Variants in ERC2 observed in about 807,000 individuals in gnomAD.
The protein encoded by ERC2 is ELKS/RAB6-interacting/CAST family member 2.
A neutral mutation model predicts 114.8 loss-of-function variants in ERC2; 42 were observed. That is an observed-to-expected ratio of 0.37 (90% CI 0.29 to 0.47). The LOEUF (loss-of-function observed/expected upper bound fraction) is 0.47. Ranked by LOEUF, ERC2 falls within the 20% of genes least tolerant of loss-of-function variation. The pLI is 0.99. For synonymous variants in ERC2, 454 were observed against 425.5 expected (o/e 1.07, Z -0.82); for missense variants, 939 against 1,150.7 (o/e 0.82, Z 2.66).
At chr3:55,962,068 C>T (rs2068424393) in intron 12 of ERC2, among the ~76,000 whole-genome samples, 1 of 152,030 alleles carries the variant, frequency 6.6e-6, no homozygotes. Context: ...ACAATGACAA[C>T]CTAGAGTTAT....
chr3:56,361,664 C>T (rs561403135), intron 2 of ERC2, among the ~76,000 whole-genome samples: 1 of 152,332 alleles, frequency 6.6e-6, no homozygotes, highest in South Asian at 2.1e-4. Flanking sequence ...CCATGGAATA[C>T]ACCCAAGGAC....
chr3:55,552,694 A>G (rs1371773230), intron 17 of ERC2, among the ~76,000 whole-genome samples: 1 of 151,552 alleles, frequency 6.6e-6, no homozygotes, highest in Non-Finnish European at 1.5e-5. Flanking sequence ...GTTAGCATTT[A>G]TATCTTACAA....
chr3:55,930,242 A>AAAAT (rs550948207), intron 13 of ERC2, among the ~76,000 whole-genome samples: 5,070 of 151,936 alleles, frequency 0.033, 90 homozygotes, highest in African/African-American at 0.052. Flanking sequence ...CCGTCTCAAG[A>AAAAT]AAATAAATAA....
intron 2 of ERC2, among the ~76,000 whole-genome samples, chr3:56,348,903 GGAAA>G (rs879818081): frequency 0.24 from 9,377 of 38,896 alleles, 544 homozygotes; most frequent in South Asian, 0.36. Context: ...AAGGAAGGAA[GGAAA>G]GAAGGAAGGA....
At chr3:56,073,055 T>C (rs1181409168) in intron 7 of ERC2, among the ~76,000 whole-genome samples, 2 of 152,110 alleles carry the variant, frequency 1.3e-5, no homozygotes, top group African/African-American at 2.4e-5. Context: ...CCAAACACCA[T>C]ACACACTCAT....
chr3:55,966,778 A>G (rs1020670925), intron 12 of ERC2, among the ~76,000 whole-genome samples: 2 of 152,154 alleles, frequency 1.3e-5, no homozygotes, highest in African/African-American at 2.4e-5. Flanking sequence ...GAAAAAATTC[A>G]CTGGGCAGCT....
intron 3 of ERC2, among the ~76,000 whole-genome samples, chr3:56,214,613 C>T (rs1193679675): frequency 4.6e-5 from 7 of 151,796 alleles, no homozygotes; most frequent in Non-Finnish European, 1.0e-4. Context: ...GCAAGGCAGG[C>T]CAACATTCAC....
intron 17 of ERC2, among the ~76,000 whole-genome samples, chr3:55,564,345 T>C (rs1221391462): frequency 1.3e-5 from 2 of 152,256 alleles, no homozygotes; most frequent in South Asian, 4.1e-4. Flanking sequence ...TTAAAAGAGA[T>C]TGCAAAATAT....
At chr3:56,320,675 A>C (rs1423650890) in intron 2 of ERC2, among the ~76,000 whole-genome samples, 5 of 152,224 alleles carry the variant, frequency 3.3e-5, no homozygotes, top group African/African-American at 1.2e-4. Flanking sequence ...AAAAAAAATA[A>C]ATCTAGAAGG....
At chr3:56,094,041 T>G (rs2077928284) in intron 6 of ERC2, among the ~76,000 whole-genome samples, 1 of 152,206 alleles carries the variant, frequency 6.6e-6, no homozygotes, top group African/African-American at 2.4e-5. Context: ...AGATCTTCTT[T>G]AAATTGATTT....
chr3:56,339,180 A>G (rs1023525889), intron 2 of ERC2, among the ~76,000 whole-genome samples: 4 of 152,180 alleles, frequency 2.6e-5, no homozygotes, highest in African/African-American at 9.7e-5. Flanking sequence ...GGGAGCCGCA[A>G]TTGAATCAGG....
intron 1 of ERC2, among the ~76,000 whole-genome samples, chr3:56,460,200 A>G (rs2063248348): frequency 1.3e-5 from 2 of 152,222 alleles, no homozygotes. Flanking sequence ...AAAGTGAGAC[A>G]GCTTAGAGCT....
intron 2 of ERC2, among the ~76,000 whole-genome samples, chr3:56,429,046 A>G (rs1423191372): frequency 6.6e-6 from 1 of 152,236 alleles, no homozygotes; most frequent in East Asian, 1.9e-4. Flanking sequence ...TAACAATTGC[A>G]CAAAATACCG....
intron 17 of ERC2, among the ~76,000 whole-genome samples, chr3:55,556,991 C>T (rs1005167205): frequency 6.6e-6 from 1 of 152,182 alleles, no homozygotes; most frequent in African/African-American, 2.4e-5. Flanking sequence ...GGATACCAGA[C>T]ACACACATAG....
intron 14 of ERC2, among the ~76,000 whole-genome samples, chr3:55,807,822 T>C (rs1336878164): frequency 1.3e-5 from 2 of 152,198 alleles, no homozygotes; most frequent in Non-Finnish European, 2.9e-5. Context: ...AACTAACACA[T>C]GGGCTTTTCA....
intron 17 of ERC2, among the ~76,000 whole-genome samples, chr3:55,642,320 T>C (rs968416203): frequency 1.5e-4 from 20 of 132,264 alleles, no homozygotes; most frequent in Admixed American, 1.2e-3. Context: ...GATCACAGCT[T>C]TTTTTTTTTT....
At position 56,200,501 on chromosome 3, in the gene ERC2, C is replaced by G. The variant is rs374416386; in HGVS notation, c.1075-26981G>C. Among the ~76,000 whole-genome samples, 13 of 152,320 alleles carry G rather than the reference C, an allele frequency of 8.5e-5. No individual in the cohort carries two copies. In the East Asian group the frequency reaches 2.5e-3, roughly 29 times the overall value. The stretch of plus-strand genomic sequence containing the variant: ...AGTGTTCCTATCCTCATGTCTAAAA[C>G]TCCAAGTGGCTGTTGTCCAAAGATG... On this transcript the variant is annotated intron_variant, in intron 3 of 17. Transcript: ENST00000288221.
intron 13 of ERC2, among the ~76,000 whole-genome samples, chr3:55,949,589 T>G (rs1280221086): frequency 1.3e-5 from 2 of 152,206 alleles, no homozygotes; most frequent in African/African-American, 4.8e-5. Context: ...GAATAATTAC[T>G]GATTTCTCTT....
intron 7 of ERC2, among the ~76,000 whole-genome samples, chr3:56,025,777 A>G (rs1182652577): frequency 1.3e-5 from 2 of 152,222 alleles, no homozygotes; most frequent in African/African-American, 4.8e-5. Context: ...TAACCTAAGC[A>G]TAGACATAAC....
Sources: gnomAD v4.1 joint callset for allele counts (sites outside exome capture counted in the v4.1 genomes callset) on GRCh38, gnomAD v4.1.1 for gene constraint, MANE v1.5 for transcripts, NCBI Gene and HGNC (gene_info 2026-07-23, HGNC 2026-07-21) for gene names.